CA8: variants seen among roughly 807,000 people sequenced by gnomAD.
CA8 encodes the protein carbonic anhydrase-related protein.
In CA8, 22 loss-of-function variants were observed where a neutral mutation model predicts 41.4. The ratio of observed to expected loss-of-function variants is 0.53; its 90% CI spans 0.38 to 0.76. CA8 has a LOEUF of 0.76. CA8 is among the 30% of genes least tolerant of loss of function. CA8 has a pLI of 0.00. For synonymous variants in CA8, 121 were observed against 130.6 expected (o/e 0.93, Z 0.50); for missense variants, 270 against 352.8 (o/e 0.77, Z 1.88).
At chr8:60,190,946 A>ATT (rs1413748759) in intron 8 of CA8, among the ~76,000 whole-genome samples, 2 of 128,706 alleles carry the variant, frequency 1.6e-5, no homozygotes, top group South Asian at 5.1e-4. Context: ...CACTATATAT[A>ATT]TATATATATA....
intron 8 of CA8, among the ~76,000 whole-genome samples, chr8:60,193,504 T>C (rs375062674): frequency 1.3e-4 from 20 of 152,212 alleles, no homozygotes; most frequent in African/African-American, 4.8e-4. Context: ...GAAATAAATT[T>C]GTGGTGGCTT....
At position 60,239,589 on chromosome 8, in the gene CA8, C is replaced by T. The variant is rs189771695; in HGVS notation, c.418-7210G>A. On this transcript the variant is annotated intron_variant, in intron 3 of 8. Coordinates refer to ENST00000317995, the MANE Select transcript of CA8 (RefSeq NM_004056.6). Reference sequence around the variant, plus strand: ...GCCATCCTGGGCTGCATGTGGCCCACAGGCCATGGGTTGGACAAGCTTGCC... The same window carrying T: ...GCCATCCTGGGCTGCATGTGGCCCATAGGCCATGGGTTGGACAAGCTTGCC... Among the ~76,000 whole-genome samples the T allele has an allele frequency of 8.7e-4, 132 of 152,320 alleles. 1 individual carries two copies. Among genetic ancestry groups the T allele is most frequent in the African/African-American group, 2.9e-3 (121 of 41,562 alleles).
chr8:60,216,969 C>T (rs1194875762), intron 7 of CA8, among the ~76,000 whole-genome samples: 6 of 152,098 alleles, frequency 3.9e-5, no homozygotes, highest in African/African-American at 7.2e-5. Context: ...CTGCAACTTC[C>T]GCCTCCCAGG....
intron 3 of CA8, among the ~76,000 whole-genome samples, chr8:60,247,239 T>G (rs1038413453): frequency 1.3e-5 from 2 of 152,152 alleles, no homozygotes; most frequent in Non-Finnish European, 2.9e-5. Flanking sequence ...TCTTTTAAGT[T>G]CCGGGATACA....
intron 8 of CA8, among the ~76,000 whole-genome samples, chr8:60,207,490 T>C (rs929336447): frequency 1.3e-5 from 2 of 152,186 alleles, no homozygotes; most frequent in African/African-American, 2.4e-5. Context: ...AACTCAACTC[T>C]TTATCTTCAA....
intron 7 of CA8, among the ~76,000 whole-genome samples, chr8:60,210,636 G>A (rs1016497102): frequency 2.7e-5 from 4 of 150,396 alleles, no homozygotes; most frequent in African/African-American, 9.8e-5. Context: ...TTTTCTCTCT[G>A]TACTTACATG....
chr8:60,242,049 CA>C (rs1173982060), intron 3 of CA8, among the ~76,000 whole-genome samples: 4 of 152,132 alleles, frequency 2.6e-5, no homozygotes, highest in Non-Finnish European at 2.9e-5. Context: ...TTTTAGTGTT[CA>C]CTGCTTCTGG....
intron 3 of CA8, among the ~76,000 whole-genome samples, chr8:60,249,467 T>C (rs904755872): frequency 6.6e-6 from 1 of 152,210 alleles, no homozygotes; most frequent in Non-Finnish European, 1.5e-5. Flanking sequence ...GGTACTTATA[T>C]CAAATCCTTT....
At chr8:60,267,180 G>T (rs746068950) in intron 2 of CA8, among the ~76,000 whole-genome samples, 11 of 152,172 alleles carry the variant, frequency 7.2e-5, no homozygotes, top group Non-Finnish European at 1.3e-4. Flanking sequence ...AGGATTTAAG[G>T]CTGCTTATGT....
intron 3 of CA8, among the ~76,000 whole-genome samples, chr8:60,242,550 G>A (rs77383884): frequency 0.034 from 5,219 of 152,238 alleles, 157 homozygotes; most frequent in South Asian, 0.13. Flanking sequence ...AAGGTTATCC[G>A]CAAAGACAAG....
At chr8:60,258,765 T>A (rs534473427) in intron 3 of CA8, among the ~76,000 whole-genome samples, 2 of 151,944 alleles carry the variant, frequency 1.3e-5, no homozygotes, top group Non-Finnish European at 2.9e-5. Flanking sequence ...GCAACGTAGA[T>A]CCCTCACATG....
intron 5 of CA8, 44 bp from the exon 6 acceptor site, chr8:60,224,629 C>G (rs778988761): frequency 8.4e-7 from 1 of 1,197,572 alleles, no homozygotes; most frequent in Non-Finnish European, 1.2e-6. Context: ...TGTAATATTT[C>G]TAGATTTTAG....
intron 3 of CA8, among the ~76,000 whole-genome samples, chr8:60,263,610 C>CCATG (rs1803808271): frequency 6.6e-6 from 1 of 152,204 alleles, no homozygotes; most frequent in Non-Finnish European, 1.5e-5. Flanking sequence ...GTGCTGCTGG[C>CCATG]CATGCCCCTG....
At chr8:60,210,080 G>C (rs1380705228) in intron 7 of CA8, among the ~76,000 whole-genome samples, 1 of 152,172 alleles carries the variant, frequency 6.6e-6, no homozygotes, top group Non-Finnish European at 1.5e-5. Context: ...TATACAGAAG[G>C]GGAAACTGAG....
chr8:60,264,942 G>A (rs1362517457), intron 3 of CA8: 1 of 151,988 alleles, frequency 6.6e-6, no homozygotes, highest in African/African-American at 2.4e-5. Flanking sequence ...TATTGCATCT[G>A]GTCATGAGCA....
At chr8:60,230,506 C>T (rs984925765) in intron 4 of CA8, among the ~76,000 whole-genome samples, 39 of 152,076 alleles carry the variant, frequency 2.6e-4, no homozygotes, top group African/African-American at 8.7e-4. Context: ...TCAATGTCTC[C>T]GACCTCCTCC....
intron 6 of CA8, 36 bp downstream of exon 6, chr8:60,224,497 ACAGT>A: frequency 8.8e-7 from 1 of 1,133,548 alleles, no homozygotes; most frequent in Non-Finnish European, 1.3e-6. Context: ...GACTATAGCC[ACAGT>A]TAAAATTCAT....
At chr8:60,213,400 T>C (rs1806908608) in intron 7 of CA8, among the ~76,000 whole-genome samples, 2 of 152,230 alleles carry the variant, frequency 1.3e-5, no homozygotes, top group African/African-American at 4.8e-5. Context: ...ACAGGGAAAG[T>C]GCTGCCTATC....
At chr8:60,194,317 G>C (rs1370190761) in intron 8 of CA8, among the ~76,000 whole-genome samples, 3 of 152,160 alleles carry the variant, frequency 2.0e-5, no homozygotes, top group Non-Finnish European at 4.4e-5. Context: ...AACAAAACCA[G>C]AGTGGAGGCG....
Sources: allele counts gnomAD v4.1 joint callset (sites outside exome capture counted in the v4.1 genomes callset), GRCh38; gene constraint gnomAD v4.1.1; transcripts MANE v1.5; gene names NCBI Gene and HGNC (gene_info 2026-07-23, HGNC 2026-07-21).